Variants in PTCHD4 observed in about 807,000 individuals in gnomAD.
PTCHD4 encodes the protein patched domain containing 4.
Under a neutral mutation model 58.1 loss-of-function variants are expected in PTCHD4, and 33 were observed. The ratio of observed to expected loss-of-function variants is 0.57; its 90% CI spans 0.43 to 0.76. The LOEUF (loss-of-function observed/expected upper bound fraction) is 0.76. Among genes scored for constraint, PTCHD4 ranks in the 30% least tolerant of loss-of-function variants. The pLI is 0.00. For synonymous variants in PTCHD4, 478 were observed against 409.6 expected, an observed-to-expected ratio of 1.17 and a Z score of -2.02; for missense variants, 1,058 against 1,027.1, an observed-to-expected ratio of 1.03 and a Z score of -0.41.
At chr6:48,065,094 T>G (rs1383421640) in intron 3 of PTCHD4, among the ~76,000 whole-genome samples, 1 of 152,132 alleles carries the variant, frequency 6.6e-6, no homozygotes, top group African/African-American at 2.4e-5. Context: ...TTCTAAACCT[T>G]TCTGTGTCCA....
At chr6:47,890,760 G>C in intron 4 of PTCHD4, 1 of 299,900 alleles carries the variant, frequency 3.3e-6, no homozygotes, top group Non-Finnish European at 4.9e-6. Flanking sequence ...CCTTGCTGCA[G>C]GGCCTTGGTG....
intron 3 of PTCHD4, among the ~76,000 whole-genome samples, chr6:48,066,904 C>T (rs746628797): frequency 4.6e-5 from 7 of 151,460 alleles, no homozygotes; most frequent in African/African-American, 7.3e-5. Context: ...TCTCTCAAAA[C>T]TCCTGAAAAA....
At chr6:48,065,662 A>G (rs930196596) in intron 3 of PTCHD4, among the ~76,000 whole-genome samples, 13 of 152,150 alleles carry the variant, frequency 8.5e-5, no homozygotes, top group African/African-American at 3.1e-4. Context: ...CTAAGATTAT[A>G]TTTTAAATAT....
At chr6:48,007,810 T>C (rs80352912) in intron 4 of PTCHD4, among the ~76,000 whole-genome samples, 18,736 of 152,164 alleles carry the variant, frequency 0.12, 1,500 homozygotes, top group South Asian at 0.2. Context: ...AGAACCCTCT[T>C]GCTGAACCAA....
intron 1 of PTCHD4, among the ~76,000 whole-genome samples, chr6:48,110,033 G>A (rs928284159): frequency 6.6e-6 from 1 of 152,120 alleles, no homozygotes; most frequent in East Asian, 1.9e-4. Context: ...GGTAAAGCCA[G>A]TTTAACACAG....
Position 47,869,011 on chromosome 6 carries a change from C to A in PTCHD4, c.*9292G>T, listed in dbSNP as rs1315456921. Among the ~76,000 whole-genome samples the A allele has an allele frequency of 6.6e-6, 1 of 151,510 alleles. No homozygotes were observed. The highest frequency in any genetic ancestry group is 2.4e-5 in the African/African-American group (1 of 41,296). ...AGACTTCTTTGGTCTCCTCATCATA[C>A]GTCAATAATGAGGAGAGCTTTGCAA... On this transcript the variant is annotated 3_prime_UTR_variant, in exon 5 of 5. Transcript: ENST00000339488.
chr6:47,924,336 GTT>G (rs1765528142), intron 4 of PTCHD4, among the ~76,000 whole-genome samples: 1 of 152,128 alleles, frequency 6.6e-6, no homozygotes, highest in Non-Finnish European at 1.5e-5. Context: ...AGAGAAAGAT[GTT>G]TAACAGGCTA....
intron 4 of PTCHD4, among the ~76,000 whole-genome samples, chr6:47,916,346 C>A (rs550317712): frequency 6.6e-6 from 1 of 152,064 alleles, no homozygotes; most frequent in Non-Finnish European, 1.5e-5. Context: ...AGAATCCAAG[C>A]ATTGGTACTG....
At chr6:48,002,740 C>T (rs1156712009) in intron 4 of PTCHD4, among the ~76,000 whole-genome samples, 1 of 150,136 alleles carries the variant, frequency 6.7e-6, no homozygotes, top group Non-Finnish European at 1.5e-5. Context: ...GCACATGTAC[C>T]CTAAAACTTA....
Position 47,874,918 on chromosome 6 carries a change from G to T in PTCHD4, c.*3385C>A, listed in dbSNP as rs1359312648. On this transcript the variant is annotated 3_prime_UTR_variant, in exon 5 of 5. Coordinates refer to ENST00000339488, the MANE Select transcript of PTCHD4 (RefSeq NM_001384253.1). ...GGTATGATTACCTTTAACCATAAAC[G>T]GTAAAAAATCTTTTAGCTGATCTCT... is the stretch of plus-strand genomic sequence containing the variant. Among the ~76,000 whole-genome samples the T allele has an allele frequency of 1.3e-5, 2 of 151,604 alleles. No individual in the cohort carries two copies. Among genetic ancestry groups the T allele is most frequent in the African/African-American group, 2.4e-5 (1 of 41,356 alleles).
rs564598063 is a variant in PTCHD4 at position 47,934,727 on chromosome 6, TC to T, written c.899-54792del. Among the ~76,000 whole-genome samples, 894 of 152,300 alleles carry T rather than the reference TC, an allele frequency of 5.9e-3. 8 individuals carry two copies. The highest frequency in any genetic ancestry group is 0.021 in the African/African-American group (859 of 41,574). ...CAATAAATCACTCCCCAAAATACCTTCAATTTATGTATTTACTCACTTCCTC... is the reference window on the plus strand; with the variant it reads ...CAATAAATCACTCCCCAAAATACCTTAATTTATGTATTTACTCACTTCCTC... On this transcript the variant is annotated intron_variant, in intron 4 of 4. Coordinates refer to ENST00000339488, the MANE Select transcript of PTCHD4 (RefSeq NM_001384253.1).
intron 4 of PTCHD4, among the ~76,000 whole-genome samples, chr6:47,898,952 G>T (rs1764612725): frequency 6.6e-6 from 1 of 152,158 alleles, no homozygotes; most frequent in African/African-American, 2.4e-5. Context: ...GCTCTCCCTG[G>T]AGAAAAATCC....
intron 4 of PTCHD4, among the ~76,000 whole-genome samples, chr6:47,912,968 A>C (rs760422638): frequency 7.2e-5 from 11 of 152,116 alleles, no homozygotes; most frequent in Admixed American, 1.3e-4. Flanking sequence ...GATGAGAGTG[A>C]GAATCTCTCT....
intron 4 of PTCHD4, among the ~76,000 whole-genome samples, chr6:47,905,817 C>G (rs1764863721): frequency 6.6e-6 from 1 of 152,208 alleles, no homozygotes; most frequent in African/African-American, 2.4e-5. Flanking sequence ...CTCTCAACCT[C>G]AGCTCCTTTC....
chr6:48,103,988 A>C (rs1765663150), intron 1 of PTCHD4, among the ~76,000 whole-genome samples: 1 of 152,246 alleles, frequency 6.6e-6, no homozygotes, highest in Non-Finnish European at 1.5e-5. Context: ...GTGTACCTGA[A>C]AGTGACAGGG....
At chr6:48,013,229 G>C (rs531865760) in intron 3 of PTCHD4, among the ~76,000 whole-genome samples, 4 of 152,034 alleles carry the variant, frequency 2.6e-5, no homozygotes, top group African/African-American at 7.2e-5. Flanking sequence ...TTGTTGGTAG[G>C]CTCTTAATTA....
Position 47,867,007 on chromosome 6 carries a change from T to C in PTCHD4, c.*11296A>G, listed in dbSNP as rs144947024. On this transcript the variant is annotated 3_prime_UTR_variant, in exon 5 of 5. Transcript: ENST00000339488. ...ATGCACCTTTCATACTGATTTATGA[T>C]GAAAAGATGATATATTTTACCATAG... Among the ~76,000 whole-genome samples, 80 of 151,998 alleles carry C rather than the reference T, an allele frequency of 5.3e-4. No homozygotes were observed. The highest frequency in any genetic ancestry group is 1.6e-3 in the African/African-American group (68 of 41,522).
intron 3 of PTCHD4, among the ~76,000 whole-genome samples, chr6:48,061,811 C>G (rs1225367155): frequency 1.3e-5 from 2 of 152,142 alleles, no homozygotes; most frequent in African/African-American, 2.4e-5. Flanking sequence ...TACCCTTGTC[C>G]ACCAGCACAC....
In PTCHD4 at chr6:47,878,636, A is replaced by G; in HGVS notation, c.2199T>C (p.Phe733=). The change falls in exon 5 of 5, where the codon TTT becomes TTC. Residue 733 remains phenylalanine, a synonymous_variant. Coordinates refer to ENST00000339488, the MANE Select transcript of PTCHD4 (RefSeq NM_001384253.1). ...TTCGGGTGTGCTCAGTTGCTAATAC[A>G]AATGTGAAAAGCAGTGGTGCACAGT... ...IDHCAPLLFT[F]VLATEHTRTQ... The G allele has an allele frequency of 1.2e-6, 2 of 1,613,634 alleles. No individual in the cohort carries two copies. Among genetic ancestry groups the G allele is most frequent in the Non-Finnish European group, 8.5e-7 (1 of 1,179,756 alleles).
Sources: allele counts gnomAD v4.1 joint callset (sites outside exome capture counted in the v4.1 genomes callset), GRCh38; gene constraint gnomAD v4.1.1; transcripts MANE v1.5; gene names NCBI Gene and HGNC (gene_info 2026-07-23, HGNC 2026-07-21).